ROBO2: variants seen among roughly 807,000 people sequenced by gnomAD.
ROBO2 encodes the protein roundabout guidance receptor 2.
ROBO2 carries 53 observed loss-of-function variants against 160.8 expected under a neutral mutation model. That is an observed-to-expected ratio of 0.33 (90% confidence interval 0.26 to 0.41). ROBO2 has a LOEUF of 0.41. ROBO2 is among the 10% of genes least tolerant of loss of function. The probability of loss-of-function intolerance (pLI) is 1.00; values close to 1 mark genes in which losing one functional copy is unlikely to be tolerated. For synonymous variants in ROBO2, 664 were observed against 611.7 expected (o/e 1.09, Z -1.26); for missense variants, 1,577 against 1,722.4 (o/e 0.92, Z 1.49).
chr3:76,389,128 A>G (rs2077030310), intron 2 of ROBO2, among the ~76,000 whole-genome samples: 1 of 152,218 alleles, frequency 6.6e-6, no homozygotes, highest in African/African-American at 2.4e-5. Flanking sequence ...CAGCTTTTGT[A>G]CCTTATACAT....
intron 2 of ROBO2, among the ~76,000 whole-genome samples, chr3:77,172,484 A>T (rs1436494559): frequency 6.6e-6 from 1 of 152,156 alleles, no homozygotes; most frequent in Non-Finnish European, 1.5e-5. Context: ...ATCATGCATT[A>T]TTCTACCATT....
intron 2 of ROBO2, among the ~76,000 whole-genome samples, chr3:76,608,273 T>C (rs1560227383): frequency 1.3e-5 from 2 of 152,302 alleles, no homozygotes. Flanking sequence ...CTTCTTGAAG[T>C]GCCATCCCAT....
chr3:77,410,743 T>TC (rs2076724877), intron 2 of ROBO2, among the ~76,000 whole-genome samples: 9 of 29,590 alleles, frequency 3.0e-4, no homozygotes, highest in South Asian at 1.4e-3. Context: ...TCCTCCTCCT[T>TC]TTCCTCCTCC....
At chr3:76,742,195 A>C (rs2093813366) in intron 2 of ROBO2, among the ~76,000 whole-genome samples, 1 of 150,540 alleles carries the variant, frequency 6.6e-6, no homozygotes, top group African/African-American at 2.4e-5. Context: ...TACAAAGATA[A>C]AGATGTTCTA....
chr3:76,153,307 ATTC>A (rs2072279125), intron 2 of ROBO2, among the ~76,000 whole-genome samples: 1 of 152,186 alleles, frequency 6.6e-6, no homozygotes, highest in Non-Finnish European at 1.5e-5. Context: ...AAATTCAAAC[ATTC>A]TTCTACCTGT....
intron 2 of ROBO2, among the ~76,000 whole-genome samples, chr3:76,242,572 A>G (rs893721372): frequency 6.6e-6 from 1 of 152,032 alleles, no homozygotes; most frequent in African/African-American, 2.4e-5. Context: ...ATGTTCCCAA[A>G]TAAATCTCCG....
chr3:76,159,340 G>T (rs534166407), intron 2 of ROBO2, among the ~76,000 whole-genome samples: 1 of 152,122 alleles, frequency 6.6e-6, no homozygotes, highest in African/African-American at 2.4e-5. Flanking sequence ...CAAAGGACAG[G>T]TAGTCACTTC....
chr3:76,519,587 G>A (rs1306855110), intron 2 of ROBO2, among the ~76,000 whole-genome samples: 2 of 152,108 alleles, frequency 1.3e-5, no homozygotes, highest in Non-Finnish European at 2.9e-5. Flanking sequence ...TAGCATTGTG[G>A]CCTATACTAC....
chr3:77,128,450 T>C (rs1448091642), intron 2 of ROBO2, among the ~76,000 whole-genome samples: 1 of 152,192 alleles, frequency 6.6e-6, no homozygotes, highest in Admixed American at 6.5e-5. Context: ...GTATCCCTCA[T>C]GGATAAGAAG....
At chr3:76,103,595 C>T (rs1370083490) in intron 2 of ROBO2, among the ~76,000 whole-genome samples, 1 of 152,198 alleles carries the variant, frequency 6.6e-6, no homozygotes, top group African/African-American at 2.4e-5. Context: ...CGTTTACAGA[C>T]TGTCCACGTA....
chr3:76,896,914 G>A (rs1017161052), intron 2 of ROBO2, among the ~76,000 whole-genome samples: 1 of 152,102 alleles, frequency 6.6e-6, no homozygotes, highest in Admixed American at 6.6e-5. Context: ...GTTAAATCTT[G>A]CCACTCTCTC....
chr3:76,821,072 C>T (rs1192613407), intron 2 of ROBO2, among the ~76,000 whole-genome samples: 1 of 151,886 alleles, frequency 6.6e-6, no homozygotes, highest in Admixed American at 6.6e-5. Flanking sequence ...ATTGTATTAA[C>T]ATGTTCTATC....
chr3:77,013,649 T>C (rs1008906476), intron 2 of ROBO2, among the ~76,000 whole-genome samples: 1 of 149,564 alleles, frequency 6.7e-6, no homozygotes, highest in South Asian at 2.1e-4. Flanking sequence ...CCAGTAAGAA[T>C]TGCCTTTAAA....
At chr3:77,459,132 C>A (rs1472235047) in intron 2 of ROBO2, among the ~76,000 whole-genome samples, 2 of 152,150 alleles carry the variant, frequency 1.3e-5, no homozygotes, top group Non-Finnish European at 2.9e-5. Flanking sequence ...AGAAGTGATA[C>A]AAGCTACTGG....
intron 2 of ROBO2, among the ~76,000 whole-genome samples, chr3:76,446,268 C>T (rs2077175305): frequency 1.3e-5 from 2 of 152,236 alleles, no homozygotes; most frequent in African/African-American, 2.4e-5. Context: ...AGAGCCAAAT[C>T]ATGGGTGAAC....
chr3:77,632,513 A>T (rs2095184976), intron 23 of ROBO2: 4 of 1,535,510 alleles, frequency 2.6e-6, no homozygotes, highest in Non-Finnish European at 2.6e-6. Context: ...TCTGATGAGG[A>T]TCGTAACTTT....
At chr3:77,095,265 A>G (rs1179751392) in intron 1 of ROBO2, among the ~76,000 whole-genome samples, 1 of 152,190 alleles carries the variant, frequency 6.6e-6, no homozygotes, top group African/African-American at 2.4e-5. Context: ...CATAGTTTAC[A>G]TATATTGTAA....
intron 2 of ROBO2, among the ~76,000 whole-genome samples, chr3:76,565,252 A>C (rs1030113516): frequency 2.6e-5 from 4 of 152,212 alleles, no homozygotes; most frequent in African/African-American, 9.6e-5. Flanking sequence ...ATTAATATAT[A>C]TTCAACTCAT....
chr3:77,105,478 A>C (rs768311365), intron 2 of ROBO2, among the ~76,000 whole-genome samples: 7 of 152,156 alleles, frequency 4.6e-5, no homozygotes, highest in Non-Finnish European at 1.0e-4. Context: ...CAGGTACTTC[A>C]CAGGATAATG....
Sources: gnomAD v4.1 joint callset for allele counts (sites outside exome capture counted in the v4.1 genomes callset) on GRCh38, gnomAD v4.1.1 for gene constraint, MANE v1.5 for transcripts, NCBI Gene and HGNC (gene_info 2026-07-23, HGNC 2026-07-21) for gene names.